Variants in DYM observed in about 807,000 individuals in gnomAD.
DYM encodes dymeclin.
Under a neutral mutation model 93.1 loss-of-function variants are expected in DYM, and 78 were observed. The observed-to-expected ratio is 0.84, with a 90% CI of 0.70 to 1.01. DYM has a LOEUF of 1.01. DYM is among the 50% of genes least tolerant of loss of function. The pLI is 0.00. For synonymous variants in DYM, 321 were observed against 319.7 expected, an observed-to-expected ratio of 1.00 and a Z score of -0.04; for missense variants, 789 against 845.0, an observed-to-expected ratio of 0.93 and a Z score of 0.82.
chr18:49,399,179 T>C (rs2070475634), intron 2 of DYM, among the ~76,000 whole-genome samples: 1 of 152,182 alleles, frequency 6.6e-6, no homozygotes, highest in African/African-American at 2.4e-5. Flanking sequence ...GTATGAATTA[T>C]GAAACCAGCC....
At position 49,399,937 on chromosome 18, in the gene DYM, T is replaced by A. The variant is rs1384509897; in HGVS notation, c.141-8292A>T. On this transcript the variant is annotated intron_variant, in intron 2 of 17. Transcript: ENST00000675505. ...AAAGACATTTATTTTTATTTTTCTT[T>A]TTTTTTTTTTTTTTTTTTTTTTGAG... Among the ~76,000 whole-genome samples, 474 of 99,680 alleles carry A rather than the reference T, an allele frequency of 4.8e-3. 2 individuals are homozygous for A. Among genetic ancestry groups the A allele is most frequent in the African/African-American group, 0.022 (400 of 17,932 alleles). 65.4% of individuals were successfully genotyped at this position (99,680 alleles called of 152,430 possible). A position where few individuals can be genotyped will look rare whatever the true frequency, so the allele number is the denominator to read the frequency against.
intron 14 of DYM, among the ~76,000 whole-genome samples, chr18:49,193,878 A>G (rs2059760064): frequency 6.6e-6 from 1 of 152,220 alleles, no homozygotes; most frequent in East Asian, 1.9e-4. Flanking sequence ...ATTGTAATAA[A>G]TGTTATTTCC....
intron 10 of DYM, among the ~76,000 whole-genome samples, chr18:49,273,700 G>A (rs1009482737): frequency 2.0e-5 from 3 of 152,066 alleles, no homozygotes; most frequent in African/African-American, 4.8e-5. Context: ...TAGGCTCTAC[G>A]ATCTAGGTTT....
intron 6 of DYM, among the ~76,000 whole-genome samples, chr18:49,340,874 A>C (rs1044649904): frequency 3.9e-5 from 6 of 152,250 alleles, no homozygotes; most frequent in African/African-American, 1.2e-4. Flanking sequence ...TGGGTAAGAA[A>C]AACAGATTAA....
chr18:49,219,515 C>T (rs2143974329), intron 13 of DYM, among the ~76,000 whole-genome samples: 1 of 152,194 alleles, frequency 6.6e-6, no homozygotes, highest in Non-Finnish European at 1.5e-5. Flanking sequence ...CAATAAAATA[C>T]TGGCAAACTG....
rs767827181 is a variant in DYM at position 49,282,046 on chromosome 18, T to C, written c.1076A>G (p.Asn359Ser). 20 of 1,613,928 alleles carry C rather than the reference T, an allele frequency of 1.2e-5. No homozygotes were observed. Among genetic ancestry groups the C allele is most frequent in the African/African-American group, 2.7e-5 (2 of 74,938 alleles). Residue 359 changes from asparagine (N) to serine (S), a missense_variant, in exon 10 of 18, where the codon AAT (asparagine) becomes AGT (serine). Around this residue, in one of 3 missense-constraint regions of DYM, gnomAD observed 450 missense variants for 436.2 expected, o/e 1.03. Coordinates refer to ENST00000675505, the MANE Select transcript of DYM (RefSeq NM_001353214.3). ...TLLLYTLLHQ[N>S]SNIRTYMLAR... ...CAACATGTATGTTCTAATATTACTATTTTGATGGAGCAAGGTATACAAGAG... is the reference window on the plus strand; with the variant it reads ...CAACATGTATGTTCTAATATTACTACTTTGATGGAGCAAGGTATACAAGAG...
chr18:49,339,873 G>A (rs1568279573), intron 6 of DYM, among the ~76,000 whole-genome samples: 2 of 152,214 alleles, frequency 1.3e-5, no homozygotes, highest in Admixed American at 6.5e-5. Flanking sequence ...GGGTATAACC[G>A]ATGAATTAAA....
intron 8 of DYM, among the ~76,000 whole-genome samples, chr18:49,288,463 CAA>C (rs1341249913): frequency 6.6e-6 from 1 of 151,894 alleles, no homozygotes; most frequent in Non-Finnish European, 1.5e-5. Context: ...TGTTTCTGGA[CAA>C]AAAGAGTCAA....
chr18:49,146,192 C>T (rs1269454382), intron 15 of DYM, among the ~76,000 whole-genome samples: 4 of 152,132 alleles, frequency 2.6e-5, no homozygotes, highest in Non-Finnish European at 5.9e-5. Context: ...CAAAAAACCA[C>T]ATTAGAAAAT....
chr18:49,077,502 G>A (rs1351309449), intron 17 of DYM, among the ~76,000 whole-genome samples: 1 of 152,214 alleles, frequency 6.6e-6, no homozygotes, highest in Non-Finnish European at 1.5e-5. Flanking sequence ...ATCAATCAAG[G>A]TGAGGTAGTT....
intron 8 of DYM, among the ~76,000 whole-genome samples, chr18:49,323,647 T>C (rs546377256): frequency 6.6e-6 from 1 of 152,348 alleles, no homozygotes; most frequent in East Asian, 1.9e-4. Flanking sequence ...AATAGGGTTC[T>C]ACACCAAGAA....
intron 15 of DYM, among the ~76,000 whole-genome samples, chr18:49,122,368 G>C (rs1482946006): frequency 1.3e-5 from 2 of 151,494 alleles, no homozygotes; most frequent in African/African-American, 4.8e-5. Flanking sequence ...CTCACTACCT[G>C]AAAGATACAG....
At chr18:49,282,609 T>TAAAAC (rs1173770234) in intron 9 of DYM, among the ~76,000 whole-genome samples, 2 of 152,186 alleles carry the variant, frequency 1.3e-5, no homozygotes, top group Admixed American at 6.5e-5. Context: ...AGACTCTGTC[T>TAAAAC]AAAACAAAAC....
At chr18:49,363,267 A>G (rs2066201176) in intron 5 of DYM, 34 bp from the exon 6 acceptor site, 2 of 1,464,596 alleles carry the variant, frequency 1.4e-6, no homozygotes, top group East Asian at 2.3e-5. Flanking sequence ...TTTTTTTAAC[A>G]AAGTACACAG....
chr18:49,187,110 G>A (rs530838427), intron 14 of DYM, among the ~76,000 whole-genome samples: 1 of 152,008 alleles, frequency 6.6e-6, no homozygotes, highest in South Asian at 2.1e-4. Flanking sequence ...TAGTAGAGGC[G>A]GGGTTTCACT....
chr18:49,428,506 G>A (rs968304774), intron 2 of DYM, among the ~76,000 whole-genome samples: 4 of 152,078 alleles, frequency 2.6e-5, no homozygotes, highest in African/African-American at 9.7e-5. Flanking sequence ...CCAACATGGT[G>A]ACATCTCATC....
chr18:49,209,661 G>A lies in DYM; in HGVS notation c.1515C>T (p.Phe505=), dbSNP rs761415877. Reference sequence around the variant, plus strand: ...GAAGCGTAGAACAGTGAGAGTGGGGGAAATACAGTTTGTCCAACACATAAA... The same window carrying A: ...GAAGCGTAGAACAGTGAGAGTGGGGAAAATACAGTTTGTCCAACACATAAA... The part of the protein sequence containing the change: ...RYVYVLDKLY[F]PHSHCSTLQH... Residue 505 remains phenylalanine (F), a synonymous_variant, in exon 14 of 18, where the codon TTC becomes TTT. Coordinates refer to ENST00000675505, the MANE Select transcript of DYM (RefSeq NM_001353214.3). 30 of 1,289,234 alleles carry A rather than the reference G, an allele frequency of 2.3e-5. No individual in the cohort carries two copies. The highest frequency in any genetic ancestry group is 4.2e-4 in the Middle Eastern group (2 of 4,718). 79.9% of individuals were successfully genotyped at this position (1,289,234 alleles called of 1,614,324 possible). A position where few individuals can be genotyped will look rare whatever the true frequency, so the allele number is the denominator to read the frequency against.
chr18:49,113,287 T>A (rs189939582), intron 16 of DYM, among the ~76,000 whole-genome samples: 2 of 152,330 alleles, frequency 1.3e-5, no homozygotes, highest in East Asian at 3.9e-4. Context: ...TGTCCTCTAC[T>A]CATATTCAGC....
chr18:49,361,541 G>A (rs2066018664), intron 6 of DYM, among the ~76,000 whole-genome samples: 1 of 152,096 alleles, frequency 6.6e-6, no homozygotes, highest in African/African-American at 2.4e-5. Flanking sequence ...TGGTTCCACA[G>A]AGGTAAGTAA....
Sources: allele counts gnomAD v4.1 joint callset (sites outside exome capture counted in the v4.1 genomes callset), GRCh38; gene constraint gnomAD v4.1.1; regional missense constraint gnomAD v4.1.1; transcripts MANE v1.5; gene names NCBI Gene and HGNC (gene_info 2026-07-23, HGNC 2026-07-21).